LRRC9: variants seen among roughly 807,000 people sequenced by gnomAD.
LRRC9 encodes leucine rich repeat containing 9, also known as leucine-rich repeat-containing protein 9.
In LRRC9, 122 loss-of-function variants were observed where a neutral mutation model predicts 63.2. That is an observed-to-expected ratio of 1.93 (90% CI 1.67 to 2.24). The LOEUF is 2.24. Among genes scored for constraint, LRRC9 ranks in the 30% most tolerant of loss-of-function variants. The pLI is 0.00. For synonymous variants in LRRC9, 366 were observed against 213.1 expected (o/e 1.72, Z -6.25); for missense variants, 1,071 against 627.7 (o/e 1.71, Z -7.55).
intron 8 of LRRC9, among the ~76,000 whole-genome samples, chr14:59,953,262 T>C (rs183905472): frequency 0.01 from 1,531 of 152,328 alleles, 22 homozygotes; most frequent in African/African-American, 0.035. Flanking sequence ...TGAACTAATT[T>C]ACACTCCCAC....
In LRRC9 at chr14:59,931,636, G is replaced by A. The variant is rs989494030; in HGVS notation, c.426G>A (p.Lys142=). 1.1e-5 allele frequency: 8 copies of A among 698,572 alleles called. No homozygotes were observed. The African/African-American group carries it at 1.4e-4, about 12-fold the overall frequency. 43.3% of individuals were successfully genotyped at this position (698,572 alleles called of 1,614,324 possible). The change falls in exon 5 of 32, where the codon AAG becomes AAA. Residue 142 remains lysine, a synonymous_variant. Transcript: ENST00000445360. ...ATTTTTAGGGTTTGCAAACTTTGAA[G>A]AATTTAAAAGATCTCAACCTTGCTG...
chr14:60,038,936 G>A (rs1054808218), intron 29 of LRRC9, among the ~76,000 whole-genome samples: 3 of 152,128 alleles, frequency 2.0e-5, no homozygotes, highest in Non-Finnish European at 4.4e-5. Context: ...TTTGAGATAC[G>A]TCCCATCAGT....
intron 29 of LRRC9, among the ~76,000 whole-genome samples, chr14:60,048,867 A>G (rs1566908153): frequency 1.3e-5 from 2 of 152,190 alleles, no homozygotes; most frequent in Admixed American, 6.6e-5. Flanking sequence ...ATCTCTGATG[A>G]CTGTTGAGGC....
chr14:59,955,284 T>G (rs1053258718), intron 8 of LRRC9, among the ~76,000 whole-genome samples: 29 of 152,318 alleles, frequency 1.9e-4, no homozygotes, highest in African/African-American at 4.6e-4. Context: ...GGACTTCTTT[T>G]GATTGGTAGG....
At chr14:59,952,373 G>A (rs976446883) in intron 8 of LRRC9, among the ~76,000 whole-genome samples, 15 of 152,130 alleles carry the variant, frequency 9.9e-5, no homozygotes, top group East Asian at 1.9e-4. Flanking sequence ...CACGGTGCGC[G>A]CACCCACTGG....
rs769529613 is a variant in LRRC9, at chr14:59,985,085, T to C, written c.2092-20T>C. 1.1e-5 allele frequency: 7 copies of C among 636,814 alleles called. No individual in the cohort carries two copies. In the South Asian group the frequency reaches 1.2e-4, roughly 11 times the overall value. 39.4% of individuals were successfully genotyped at this position (636,814 alleles called of 1,614,324 possible). On this transcript the variant is annotated intron_variant, in intron 16 of 31. Coordinates refer to ENST00000445360, the Ensembl canonical transcript of LRRC9. ...ATGTAACCTGTATTATTTTTTAATG[T>C]ATATTTTATTTTGCTTCAGAGTCTG...
At chr14:59,985,168 C>A (rs769138600) in exon 17 of LRRC9, 18 of 692,310 alleles carry the variant, frequency 2.6e-5, no homozygotes, top group South Asian at 2.4e-4. Context: ...AACAGGACTT[C>A]GAAAACTAAA....
intron 29 of LRRC9, among the ~76,000 whole-genome samples, chr14:60,038,832 C>G (rs1028945343): frequency 4.6e-5 from 7 of 152,156 alleles, no homozygotes; most frequent in African/African-American, 1.4e-4. Flanking sequence ...AGAGGGCATC[C>G]CTATCTTGTG....
rs71416053 is a variant in LRRC9, at chr14:60,023,356, A to T, written c.3703+486A>T. On this transcript the variant is annotated intron_variant, in intron 27 of 31. Coordinates refer to ENST00000445360, the Ensembl canonical transcript of LRRC9. ...GTTCAGAGAGAAGAGAAATTAAAAGATTAGCTCGTCGGCATGTATAGAACT... is the reference window on the plus strand; with the variant it reads ...GTTCAGAGAGAAGAGAAATTAAAAGTTTAGCTCGTCGGCATGTATAGAACT... Among the ~76,000 whole-genome samples the T allele has an allele frequency of 4.4e-3, 676 of 152,098 alleles. 3 individuals carry two copies. The highest frequency in any genetic ancestry group is 7.6e-3 in the Non-Finnish European group (516 of 67,958).
chr14:59,933,643 A>G (rs1889893724), intron 6 of LRRC9, among the ~76,000 whole-genome samples: 1 of 152,238 alleles, frequency 6.6e-6, no homozygotes, highest in Admixed American at 6.5e-5. Flanking sequence ...AGAATGAGGC[A>G]GATTAAGTCC....
At chr14:59,984,361 T>C (rs1040151646) in intron 16 of LRRC9, among the ~76,000 whole-genome samples, 6 of 152,172 alleles carry the variant, frequency 3.9e-5, no homozygotes, top group African/African-American at 7.2e-5. Flanking sequence ...AGCTGGGAGA[T>C]AGATACTTGA....
intron 27 of LRRC9, among the ~76,000 whole-genome samples, chr14:60,024,272 A>C (rs1040213470): frequency 2.0e-5 from 3 of 152,110 alleles, no homozygotes; most frequent in Admixed American, 2.0e-4. Flanking sequence ...ACAATTAGTA[A>C]TTTTTAAATT....
At chr14:60,057,913 A>T (rs1274411625) in exon 31 of LRRC9, 1 of 690,282 alleles carries the variant, frequency 1.4e-6, no homozygotes, top group Admixed American at 2.0e-5. Context: ...TGGATGGCAG[A>T]TCATTTGGCC....
At chr14:59,988,684 A>G (rs941073646) in intron 17 of LRRC9, among the ~76,000 whole-genome samples, 5 of 152,104 alleles carry the variant, frequency 3.3e-5, no homozygotes, top group Non-Finnish European at 7.4e-5. Context: ...TAATTATACT[A>G]TAACTATATT....
In LRRC9 at chr14:59,999,096, C is replaced by A; in HGVS notation, c.2404-5C>A. ...ATAAAAAATTTTTTTTTTGTTTTTC[C>A]CAAGCCAGCCACATTGAGGCTGAGT... On this transcript the variant is annotated splice_region_variant and splice_polypyrimidine_tract_variant and intron_variant, in intron 18 of 31. Coordinates refer to ENST00000445360, the Ensembl canonical transcript of LRRC9. 1 of 637,138 alleles carries A rather than the reference C, an allele frequency of 1.6e-6. No homozygotes were observed. The highest frequency in any genetic ancestry group is 2.8e-6 in the Non-Finnish European group (1 of 356,996). 39.5% of individuals were successfully genotyped at this position (637,138 alleles called of 1,614,324 possible).
chr14:59,949,445 C>G (rs1377256209), intron 8 of LRRC9, among the ~76,000 whole-genome samples: 1 of 148,946 alleles, frequency 6.7e-6, no homozygotes, highest in Admixed American at 6.7e-5. Flanking sequence ...TTTGTTGATC[C>G]TTTCAAAAAA....
intron 4 of LRRC9, among the ~76,000 whole-genome samples, 189 bp from the exon 5 acceptor site, chr14:59,931,430 C>G (rs1167007935): frequency 2.0e-5 from 3 of 152,062 alleles, no homozygotes; most frequent in Non-Finnish European, 4.4e-5. Flanking sequence ...TTCCCTCCTC[C>G]AATAATTCTG....
intron 23 of LRRC9, among the ~76,000 whole-genome samples, chr14:60,012,507 T>C (rs750930502): frequency 6.6e-6 from 1 of 152,206 alleles, no homozygotes; most frequent in Non-Finnish European, 1.5e-5. Flanking sequence ...TATGAAGTTT[T>C]AACAGATTAG....
Position 60,002,247 on chromosome 14 carries a change from A to C in LRRC9, c.2664+147A>C, listed in dbSNP as rs576410448. On this transcript the variant is annotated intron_variant, in intron 20 of 31. Coordinates refer to ENST00000445360, the Ensembl canonical transcript of LRRC9. ...TAATTAAAATAGGGAAGAAACACTT[A>C]AGATCTACCCTCTTGGCAAATTTCA... 2.9e-4 allele frequency: 145 copies of C among 497,510 alleles called. 2 individuals carry two copies. The South Asian group carries it at 4.7e-3, about 16-fold the overall frequency. The allele number at this position is 497,510 out of a possible 1,614,324, so 30.8% of individuals were successfully genotyped here. A position where few individuals can be genotyped will look rare whatever the true frequency, so the allele number is the denominator to read the frequency against.
Sources: allele counts gnomAD v4.1 joint callset (sites outside exome capture counted in the v4.1 genomes callset), GRCh38; gene constraint gnomAD v4.1.1; transcripts MANE v1.5; gene names NCBI Gene and HGNC (gene_info 2026-07-23, HGNC 2026-07-21).